The following RNF4 variants were observed in gnomAD, a reference collection of about 807,000 sequenced individuals.
RNF4 encodes ring finger protein 4, also known as E3 ubiquitin-protein ligase RNF4.
RNF4 carries 7 observed loss-of-function variants against 24.3 expected under a neutral mutation model. The ratio of observed to expected loss-of-function variants is 0.29; its 90% CI spans 0.16 to 0.54. The LOEUF is 0.54. Ranked by LOEUF, RNF4 falls within the 20% of genes least tolerant of loss-of-function variation. RNF4 has a pLI of 0.95. For missense variants in RNF4, 209 were observed against 248.5 expected, an observed-to-expected ratio of 0.84 and a Z score of 1.07; for synonymous variants, 83 against 84.3, an observed-to-expected ratio of 0.98 and a Z score of 0.09.
At chr4:2,483,843 ATTTAT>A (rs1735315450) in intron 1 of RNF4, among the ~76,000 whole-genome samples, 1 of 151,676 alleles carries the variant, frequency 6.6e-6, no homozygotes, top group Non-Finnish European at 1.5e-5. Flanking sequence ...TTATTTATTT[ATTTAT>A]TTTGAGACTG....
chr4:2,505,516 G>C (rs1418008079), intron 4 of RNF4: 3 of 150,334 alleles, frequency 2.0e-5, no homozygotes, highest in Non-Finnish European at 4.4e-5. Flanking sequence ...TAGTAGAGAC[G>C]GGGTTTCACC....
chr4:2,501,011 T>G (rs1735894597), intron 4 of RNF4, among the ~76,000 whole-genome samples: 1 of 152,244 alleles, frequency 6.6e-6, no homozygotes, highest in South Asian at 2.1e-4. Flanking sequence ...AGTAGGTCTG[T>G]GTAACCTGAC....
chr4:2,491,886 A>G (rs1394774286), intron 2 of RNF4, among the ~76,000 whole-genome samples: 1 of 151,150 alleles, frequency 6.6e-6, no homozygotes, highest in Non-Finnish European at 1.5e-5. Flanking sequence ...GGCATGCACC[A>G]CCGCACCTGG....
At chr4:2,508,599 G>GT (rs1213895208) in intron 4 of RNF4, among the ~76,000 whole-genome samples, 2 of 151,912 alleles carry the variant, frequency 1.3e-5, no homozygotes, top group African/African-American at 4.8e-5. Flanking sequence ...GTTTTGTTTT[G>GT]TTTTTTGTTT....
intron 2 of RNF4, chr4:2,494,825 C>G (rs559260893): frequency 6.6e-6 from 1 of 152,174 alleles, no homozygotes; most frequent in African/African-American, 2.4e-5. Flanking sequence ...TATAAGCATG[C>G]CAAGGTAAAT....
intron 1 of RNF4, among the ~76,000 whole-genome samples, chr4:2,478,536 G>A (rs1040682231): frequency 3.3e-5 from 5 of 152,228 alleles, no homozygotes; most frequent in South Asian, 2.1e-4. Flanking sequence ...GGTGCCCTGC[G>A]TTCCAGCCGT....
At chr4:2,496,951 C>A in intron 2 of RNF4, 56 bp from the exon 3 acceptor site, 1 of 1,352,450 alleles carries the variant, frequency 7.4e-7, no homozygotes, top group Non-Finnish European at 1.0e-6. Context: ...TTAGTTCTTC[C>A]TGAAACCCTG....
chr4:2,476,159 A>C (rs185426401), intron 1 of RNF4, among the ~76,000 whole-genome samples: 1 of 152,104 alleles, frequency 6.6e-6, no homozygotes, highest in Admixed American at 6.6e-5. Context: ...GGGCCTAGGC[A>C]TTTCCCTGTC....
At chr4:2,488,315 T>G (rs928551579) in intron 1 of RNF4, among the ~76,000 whole-genome samples, 5 of 152,072 alleles carry the variant, frequency 3.3e-5, no homozygotes, top group African/African-American at 4.8e-5. Flanking sequence ...AGTAGAAAAA[T>G]TAGCCTGGTG....
chr4:2,503,364 G>T (rs1203860), intron 4 of RNF4, among the ~76,000 whole-genome samples: 35,751 of 151,982 alleles, frequency 0.24, 4,419 homozygotes, highest in East Asian at 0.29. Flanking sequence ...AGGAATATTG[G>T]TGTTGAGGGA....
intron 3 of RNF4, among the ~76,000 whole-genome samples, chr4:2,500,313 T>C (rs1295258447): frequency 6.6e-6 from 1 of 152,114 alleles, no homozygotes; most frequent in African/African-American, 2.4e-5. Flanking sequence ...GAGAAAGGCC[T>C]GGGGCTGGGC....
At position 2,469,113 on chromosome 4, in the gene RNF4, G is replaced by C. The variant is rs1471753418; in HGVS notation, c.-303G>C. On this transcript the variant is annotated 5_prime_UTR_variant, in exon 1 of 8. Transcript: ENST00000314289. ...CGGAGCCGAGGCCTCCGAAGCGGAA[G>C]TGGGTTGCTGTTGAGGCGGCGGCAT... 6.6e-6 allele frequency: 1 copy of C among 152,286 alleles called. No individual in the cohort carries two copies. Among genetic ancestry groups the C allele is most frequent in the Non-Finnish European group, 1.5e-5 (1 of 68,072 alleles). The allele number at this position is 152,286 out of a possible 1,614,324, so 9.4% of individuals were successfully genotyped here.
chr4:2,492,156 G>A (rs1735600781), intron 2 of RNF4, among the ~76,000 whole-genome samples: 1 of 151,266 alleles, frequency 6.6e-6, no homozygotes, highest in Non-Finnish European at 1.5e-5. Flanking sequence ...CTGAGATCGT[G>A]CCACTGCAGT....
chr4:2,485,153 A>T (rs903797071), intron 1 of RNF4, among the ~76,000 whole-genome samples: 6 of 152,064 alleles, frequency 3.9e-5, no homozygotes, highest in Non-Finnish European at 7.4e-5. Context: ...CTTGATCCTC[A>T]GCGCGTTTGG....
intron 4 of RNF4, among the ~76,000 whole-genome samples, chr4:2,503,571 T>C (rs552226164): frequency 6.6e-6 from 1 of 152,336 alleles, no homozygotes; most frequent in Non-Finnish European, 1.5e-5. Flanking sequence ...CTCTTGCTAA[T>C]CATTCTCTAC....
At chr4:2,481,370 G>A (rs1236577597) in intron 1 of RNF4, among the ~76,000 whole-genome samples, 1 of 152,102 alleles carries the variant, frequency 6.6e-6, no homozygotes, top group Non-Finnish European at 1.5e-5. Flanking sequence ...TTTTTGCATA[G>A]CAAGATGCTT....
intron 1 of RNF4, among the ~76,000 whole-genome samples, chr4:2,487,253 T>G (rs527392166): frequency 6.6e-6 from 1 of 152,214 alleles, no homozygotes; most frequent in African/African-American, 2.4e-5. Context: ...ACTACAAGTG[T>G]GCACCGTCAC....
At chr4:2,496,744 C>T (rs970540033) in intron 2 of RNF4, among the ~76,000 whole-genome samples, 2 of 152,152 alleles carry the variant, frequency 1.3e-5, no homozygotes, top group African/African-American at 4.8e-5. Context: ...CAGGTGTGAG[C>T]CACCATGCCC....
In RNF4 at chr4:2,490,423, T is replaced by G. The variant is rs1735545344; in HGVS notation, c.-71T>G. 2.6e-6 allele frequency: 4 copies of G among 1,542,532 alleles called. No homozygotes were observed. Among genetic ancestry groups the G allele is most frequent in the Non-Finnish European group, 3.6e-6 (4 of 1,124,812 alleles). ...AGAGGGCATGAAAGGTTGAGAACAT[T>G]TGACTTCCCTGCAAACCTTGGTATA... On this transcript the variant is annotated 5_prime_UTR_variant, in exon 2 of 8. The change creates a new upstream start codon in the 5' untranslated region. Coordinates refer to ENST00000314289, the MANE Select transcript of RNF4 (RefSeq NM_002938.5).
Sources: gnomAD v4.1 joint callset for allele counts (sites outside exome capture counted in the v4.1 genomes callset) on GRCh38, gnomAD v4.1.1 for gene constraint, MANE v1.5 for transcripts, NCBI Gene and HGNC (gene_info 2026-07-23, HGNC 2026-07-21) for gene names.